The following PCDHGA2 variants were observed in gnomAD, a reference collection of about 807,000 sequenced individuals.
The protein encoded by PCDHGA2 is protocadherin gamma-A2.
A neutral mutation model predicts 59.2 loss-of-function variants in PCDHGA2; 40 were observed. That is an observed-to-expected ratio of 0.68 (90% confidence interval 0.52 to 0.88). The LOEUF is 0.88. Ranked by LOEUF, PCDHGA2 falls within the 40% of genes least tolerant of loss-of-function variation. The pLI is 0.00. For synonymous variants in PCDHGA2, 560 were observed against 526.0 expected, an observed-to-expected ratio of 1.06 and a Z score of -0.89; for missense variants, 1,226 against 1,204.0, an observed-to-expected ratio of 1.02 and a Z score of -0.27.
chr5:141,373,898 A>T (rs1039826496), intron 1 of PCDHGA2: 1 of 541,044 alleles, frequency 1.8e-6, no homozygotes, highest in Non-Finnish European at 3.1e-6. Context: ...CTCAAGTTAC[A>T]TCCTCCAACA....
rs1363449 is a variant in PCDHGA2, at chr5:141,413,826, C to T, written c.2424+72431C>T. On this transcript the variant is annotated intron_variant, in intron 1 of 3. Coordinates refer to ENST00000394576, the MANE Select transcript of PCDHGA2 (RefSeq NM_018915.4). ...AGGCCATTCACCACCTGGTCCTCAC[C>T]GCCTCCGACGGGGGTGACCCTCTCC... 4,050 of 1,613,180 alleles carry T rather than the reference C, an allele frequency of 2.5e-3. 115 individuals are homozygous for T. In the African/African-American group the frequency reaches 0.047, roughly 19 times the overall value.
intron 1 of PCDHGA2, chr5:141,478,333 G>T: frequency 6.2e-7 from 1 of 1,613,928 alleles, no homozygotes; most frequent in Non-Finnish European, 8.5e-7. Context: ...GAACACCAGG[G>T]CCCTCCTTGC....
chr5:141,490,467 C>T lies in PCDHGA2; in HGVS notation c.2425-4340C>T. ...AGAACCACTACTCGCTGCTAACCAG[C>T]CAGCCTTTGGACCGGGAGGCCACAT... is the stretch of plus-strand genomic sequence containing the variant. On this transcript the variant is annotated intron_variant, in intron 1 of 3. Transcript: ENST00000394576. This position sits in a 1 kb window ranked among gnomAD's most constrained non-coding sequence, Gnocchi z 5.4. The T allele has an allele frequency of 6.2e-7, 1 of 1,614,216 alleles. No individual in the cohort carries two copies. The highest frequency in any genetic ancestry group is 8.5e-7 in the Non-Finnish European group (1 of 1,180,040).
At chr5:141,346,462 G>C in intron 1 of PCDHGA2, 1 of 1,613,952 alleles carries the variant, frequency 6.2e-7, no homozygotes, top group African/African-American at 1.3e-5. Flanking sequence ...CTTCAGGTGA[G>C]TTTATTTATT....
intron 1 of PCDHGA2, chr5:141,382,985 G>C (rs769787880): frequency 1.2e-6 from 2 of 1,613,304 alleles, no homozygotes; most frequent in African/African-American, 2.7e-5. Context: ...GCCTGGGCAG[G>C]ACGTATTCTC....
At chr5:141,466,794 T>C (rs1487051313) in intron 1 of PCDHGA2, among the ~76,000 whole-genome samples, 2 of 152,226 alleles carry the variant, frequency 1.3e-5, no homozygotes, top group Non-Finnish European at 2.9e-5. Context: ...TGCCTCAAAC[T>C]AGATCCTATT....
chr5:141,485,454 C>T lies in PCDHGA2; in HGVS notation c.2425-9353C>T. On this transcript the variant is annotated intron_variant, in intron 1 of 3. Transcript: ENST00000394576. This position sits in a 1 kb window ranked among gnomAD's most constrained non-coding sequence, Gnocchi z 5.7. Reference sequence around the variant, plus strand: ...ATCAAGAACCCAATCGACCGAGAGGCACTGTGTGGGCTCAGTGCCAGCTGC... The same window carrying T: ...ATCAAGAACCCAATCGACCGAGAGGTACTGTGTGGGCTCAGTGCCAGCTGC... The T allele has an allele frequency of 6.2e-7, 1 of 1,614,162 alleles. No homozygotes were observed. Among genetic ancestry groups the T allele is most frequent in the East Asian group, 2.2e-5 (1 of 44,868 alleles).
At chr5:141,460,961 A>ATG (rs35821115) in intron 1 of PCDHGA2, among the ~76,000 whole-genome samples, 128 of 144,610 alleles carry the variant, frequency 8.9e-4, no homozygotes, top group Middle Eastern at 7.1e-3. Context: ...GTATATATAT[A>ATG]TGTGTGTGTG....
At chr5:141,427,187 C>T (rs1318380362) in intron 1 of PCDHGA2, 1 of 456,574 alleles carries the variant, frequency 2.2e-6, no homozygotes, top group Middle Eastern at 3.3e-4. Flanking sequence ...AAATTAAATC[C>T]AAAGACTTAA....
At chr5:141,344,455 A>C (rs761480508) in intron 1 of PCDHGA2, 1 of 1,613,848 alleles carries the variant, frequency 6.2e-7, no homozygotes, top group Non-Finnish European at 8.5e-7. Flanking sequence ...TTGGAAATAA[A>C]AATTGGTGAA....
intron 1 of PCDHGA2, chr5:141,345,922 G>A (rs1465495058): frequency 4.3e-6 from 7 of 1,613,410 alleles, no homozygotes; most frequent in Non-Finnish European, 5.1e-6. Context: ...CGCACGGCGC[G>A]AGCCCTGCTG....
chr5:141,421,109 T>C (rs2096547097), intron 1 of PCDHGA2: 2 of 715,670 alleles, frequency 2.8e-6, no homozygotes, highest in East Asian at 2.8e-5. Flanking sequence ...GACTTAGAAG[T>C]ATTTTCCTTC....
intron 1 of PCDHGA2, chr5:141,411,163 C>T (rs1001422146): frequency 6.6e-6 from 1 of 152,132 alleles, no homozygotes; most frequent in African/African-American, 2.4e-5. Context: ...TTCTGACTAT[C>T]GAACAGAAGC....
chr5:141,383,980 C>G lies in PCDHGA2; in HGVS notation c.2424+42585C>G, dbSNP rs145468093. The G allele has an allele frequency of 9.9e-5, 159 of 1,613,694 alleles. No homozygotes were observed. In the East Asian group the frequency reaches 3.5e-3, roughly 35 times the overall value. Reference sequence around the variant, plus strand: ...AAGTAGCTCAATCCCTGAAGACACACCTCTTGGGACAGTCATTGCTCTTTT... The same window carrying G: ...AAGTAGCTCAATCCCTGAAGACACAGCTCTTGGGACAGTCATTGCTCTTTT... On this transcript the variant is annotated intron_variant, in intron 1 of 3. Transcript: ENST00000394576.
At chr5:141,398,811 C>G in intron 1 of PCDHGA2, 1 of 1,613,980 alleles carries the variant, frequency 6.2e-7, no homozygotes. Context: ...CCACTGAGCT[C>G]CGGATCCAGG....
intron 2 of PCDHGA2, 22 bp from the exon 3 acceptor site, chr5:141,505,371 C>G: frequency 1.2e-6 from 2 of 1,613,980 alleles, no homozygotes; most frequent in Non-Finnish European, 1.7e-6. Context: ...AGTCTGTGCT[C>G]ACCATCCTAC....
At chr5:141,372,159 A>G in intron 1 of PCDHGA2, 1 of 1,613,708 alleles carries the variant, frequency 6.2e-7, no homozygotes, top group East Asian at 2.2e-5. Context: ...CTACCTGGTG[A>G]CCAAGGTGGT....
chr5:141,430,926 C>A (rs145535410), intron 1 of PCDHGA2: 4 of 1,607,308 alleles, frequency 2.5e-6, no homozygotes, highest in African/African-American at 1.3e-5. Context: ...GGGCTGGAGC[C>A]CCGGGAGCTC....
chr5:141,365,924 G>C, intron 1 of PCDHGA2: 1 of 1,614,212 alleles, frequency 6.2e-7, no homozygotes, highest in Non-Finnish European at 8.5e-7. Flanking sequence ...ACAGTTGTGG[G>C]TGACAGCCAG....
Sources: gnomAD v4.1 joint callset for allele counts (sites outside exome capture counted in the v4.1 genomes callset) on GRCh38, gnomAD v4.1.1 for gene constraint, Gnocchi (gnomAD v3.1) non-coding constraint, MANE v1.5 for transcripts, NCBI Gene and HGNC (gene_info 2026-07-23, HGNC 2026-07-21) for gene names.